ERCC6: variants seen among roughly 807,000 people sequenced by gnomAD.
The protein encoded by ERCC6 is ERCC excision repair 6, chromatin remodeling factor, also known as DNA excision repair protein ERCC-6.
In ERCC6, 116 loss-of-function variants were observed where a neutral mutation model predicts 158.7. That is an observed-to-expected ratio of 0.73 (90% CI 0.63 to 0.85). ERCC6 has a LOEUF of 0.85. Ranked by LOEUF, ERCC6 falls within the 40% of genes least tolerant of loss-of-function variation. The pLI is 0.00. For synonymous variants in ERCC6, 678 were observed against 659.3 expected (o/e 1.03, Z -0.43); for missense variants, 1,698 against 1,799.4 (o/e 0.94, Z 1.02).
chr10:49,513,332 CACAT>C (rs1363590886), intron 5 of ERCC6, among the ~76,000 whole-genome samples: 1 of 152,188 alleles, frequency 6.6e-6, no homozygotes, highest in African/African-American at 2.4e-5. Context: ...TACATATACA[CACAT>C]ACATACATAT....
intron 8 of ERCC6, among the ~76,000 whole-genome samples, chr10:49,487,964 G>A (rs1023588486): frequency 1.3e-5 from 2 of 152,198 alleles, no homozygotes; most frequent in African/African-American, 2.4e-5. Context: ...GTTATCACCT[G>A]ATTCAATCGC....
At chr10:49,522,441 G>A (rs1232536118) in intron 5 of ERCC6, among the ~76,000 whole-genome samples, 1 of 152,154 alleles carries the variant, frequency 6.6e-6, no homozygotes, top group African/African-American at 2.4e-5. Context: ...TATTTTGGTG[G>A]CAATTAAGAG....
intron 3 of ERCC6, among the ~76,000 whole-genome samples, chr10:49,529,584 A>C (rs113260026): frequency 4.4e-4 from 67 of 152,282 alleles, no homozygotes; most frequent in African/African-American, 1.5e-3. Context: ...TTGGGCTGCT[A>C]TTCTGGAAGC....
At position 49,483,352 on chromosome 10, in the gene ERCC6, G is replaced by T. The variant is rs1390782294; in HGVS notation, c.1986C>A (p.Cys662Ter). Residue 662 changes from cysteine to a stop codon, truncating the protein, a stop_gained, in exon 9 of 21, where the codon TGC (cysteine) becomes TGA (stop). Coordinates refer to ENST00000355832, the MANE Select transcript of ERCC6 (RefSeq NM_000124.4). LOFTEE classifies it high-confidence loss of function. Reference protein sequence around the residue: ...RNPNAAVTLACKQFRTPHRII... With the variant: ...RNPNAAVTLA ...TTGTTAAAAGAGGTCATACCTGTTT[G>T]CAAGCAAGGGTGACAGCAGCATTTG... is the stretch of plus-strand genomic sequence containing the variant. 6.2e-7 allele frequency: 1 copy of T among 1,614,098 alleles called. No homozygotes were observed. Among genetic ancestry groups the T allele is most frequent in the Non-Finnish European group, 8.5e-7 (1 of 1,179,970 alleles).
chr10:49,435,488 G>A, the ERCC6 span, among the ~76,000 whole-genome samples: 1 of 152,246 alleles, frequency 6.6e-6, no homozygotes, highest in East Asian at 1.9e-4. Context: ...TCTGACCACA[G>A]TGAAACAGCA....
chr10:49,526,117 T>TATA (rs1837326508), intron 4 of ERCC6, among the ~76,000 whole-genome samples: 61 of 43,542 alleles, frequency 1.4e-3, no homozygotes, highest in African/African-American at 2.5e-3. Flanking sequence ...TTATATATTT[T>TATA]TATATATATA....
intron 18 of ERCC6, among the ~76,000 whole-genome samples, chr10:49,469,343 A>C (rs1264568210): frequency 1.3e-5 from 2 of 152,216 alleles, no homozygotes; most frequent in African/African-American, 4.8e-5. Context: ...GCACTGAGTA[A>C]GATACGGTAT....
At chr10:49,517,760 T>C (rs1590460953) in intron 5 of ERCC6, among the ~76,000 whole-genome samples, 1 of 152,064 alleles carries the variant, frequency 6.6e-6, no homozygotes, top group East Asian at 1.9e-4. Context: ...CCCAGGCTGG[T>C]CTCGAACTCT....
chr10:49,461,035 T>A lies in ERCC6; in HGVS notation c.3983+317A>T, dbSNP rs1308283497. 3.3e-5 allele frequency among the ~76,000 whole-genome samples: 5 copies of A among 152,220 alleles called. No homozygotes were observed. In the East Asian group the frequency reaches 9.6e-4, roughly 29 times the overall value. On this transcript the variant is annotated intron_variant, in intron 19 of 20. Transcript: ENST00000355832. ...ACTGAATAGCAAAGTAATTAATGTGTGCTGTAAACTGGCTAATTATCTCAT... is the reference window on the plus strand; with the variant it reads ...ACTGAATAGCAAAGTAATTAATGTGAGCTGTAAACTGGCTAATTATCTCAT...
intron 5 of ERCC6, among the ~76,000 whole-genome samples, chr10:49,507,423 A>C (rs988585604): frequency 2.0e-5 from 3 of 152,188 alleles, no homozygotes; most frequent in African/African-American, 7.2e-5. Context: ...ATCATCTAAC[A>C]ACAGTTTAAT....
chr10:49,437,146 T>C, the ERCC6 span, among the ~76,000 whole-genome samples: 1 of 152,128 alleles, frequency 6.6e-6, no homozygotes, highest in Non-Finnish European at 1.5e-5. Context: ...TTGGTTCTCA[T>C]TCTCTCTCAC....
At chr10:49,530,389 T>G (rs975553013) in intron 3 of ERCC6, among the ~76,000 whole-genome samples, 1 of 152,142 alleles carries the variant, frequency 6.6e-6, no homozygotes, top group Non-Finnish European at 1.5e-5. Flanking sequence ...TTAAGATAGG[T>G]TTTTCAGTGT....
At position 49,483,242 on chromosome 10, in the gene ERCC6, G is replaced by A; in HGVS notation, c.1992+104C>T. The A allele has an allele frequency of 2.5e-6, 3 of 1,219,624 alleles. No individual in the cohort carries two copies. In the Admixed American group the frequency reaches 5.3e-5, roughly 22 times the overall value. The allele number at this position is 1,219,624 out of a possible 1,614,324, so 75.6% of individuals were successfully genotyped here. A position where few individuals can be genotyped will look rare whatever the true frequency, so the allele number is the denominator to read the frequency against. ...ACATTTTAAATTTCTTGTGCAGTTG[G>A]CACAAGGAAAGATTCAATAAATGTG... is the stretch of plus-strand genomic sequence containing the variant. On this transcript the variant is annotated intron_variant, in intron 9 of 20. Transcript: ENST00000355832.
At chr10:49,512,056 T>C (rs1458537727) in intron 5 of ERCC6, among the ~76,000 whole-genome samples, 2 of 152,120 alleles carry the variant, frequency 1.3e-5, no homozygotes, top group Non-Finnish European at 2.9e-5. Flanking sequence ...CACAAAAAGA[T>C]TGAGAAATTT....
chr10:49,468,314 G>A (rs909435571), intron 18 of ERCC6, among the ~76,000 whole-genome samples: 4 of 152,182 alleles, frequency 2.6e-5, no homozygotes, highest in Non-Finnish European at 4.4e-5. Flanking sequence ...GCTCAGCTCT[G>A]CCTTTTCAAC....
At chr10:49,443,507 G>A in the ERCC6 span, among the ~76,000 whole-genome samples, 5 of 152,154 alleles carry the variant, frequency 3.3e-5, no homozygotes, top group African/African-American at 1.2e-4. Context: ...TATATTATGT[G>A]TTTATCTTGA....
chr10:49,470,660 A>G lies in ERCC6; in HGVS notation c.3300T>C (p.Asn1100=), dbSNP rs1192287179. Residue 1100 remains asparagine (N), a synonymous_variant, in exon 18 of 21, where the codon AAT becomes AAC. Transcript: ENST00000355832. The part of the protein sequence containing the change: ...PLKDDPHMSS[N]VTSNDRLGEE... ...CTCCAAGCCTATCATTGCTAGTTACATTACTACTCATGTGAGGGTCATCTT... is the reference window on the plus strand; with the variant it reads ...CTCCAAGCCTATCATTGCTAGTTACGTTACTACTCATGTGAGGGTCATCTT... The G allele has an allele frequency of 3.7e-6, 6 of 1,613,824 alleles. No individual in the cohort carries two copies. The highest frequency in any genetic ancestry group is 4.2e-6 in the Non-Finnish European group (5 of 1,179,958).
At chr10:49,523,169 T>C (rs1837216262) in intron 5 of ERCC6, among the ~76,000 whole-genome samples, 1 of 152,222 alleles carries the variant, frequency 6.6e-6, no homozygotes, top group Admixed American at 6.5e-5. Context: ...CTATCAAGTA[T>C]TTTAAAAGTA....
intron 5 of ERCC6, chr10:49,515,737 T>C (rs765843317): frequency 6.2e-7 from 1 of 1,614,188 alleles, no homozygotes; most frequent in South Asian, 1.1e-5. Context: ...ACGCCTCCCA[T>C]GAACTGGTTA....
Sources: gnomAD v4.1 joint callset for allele counts (sites outside exome capture counted in the v4.1 genomes callset) on GRCh38, gnomAD v4.1.1 for gene constraint, MANE v1.5 for transcripts, NCBI Gene and HGNC (gene_info 2026-07-23, HGNC 2026-07-21) for gene names.